Variants in TRPM7 observed in about 807,000 individuals in gnomAD.
TRPM7 encodes LTRPC ion channel family member 7.
In TRPM7, 134 loss-of-function variants were observed where a neutral mutation model predicts 229.7. The ratio of observed to expected loss-of-function variants is 0.58; its 90% CI spans 0.51 to 0.67. TRPM7 has a LOEUF of 0.67. Ranked by LOEUF, TRPM7 falls within the 30% of genes least tolerant of loss-of-function variation. The probability of loss-of-function intolerance (pLI) is 0.00; values close to 1 mark genes in which losing one functional copy is unlikely to be tolerated. For missense variants in TRPM7, 1,901 were observed against 2,210.0 expected (o/e 0.86, Z 2.80); for synonymous variants, 699 against 715.2 (o/e 0.98, Z 0.36).
At chr15:50,657,714 CAT>C in intron 3 of TRPM7, 65 bp downstream of exon 3, 4 of 1,385,368 alleles carry the variant, frequency 2.9e-6, no homozygotes, top group Non-Finnish European at 4.1e-6. Context: ...TGTTCTAACT[CAT>C]ATTTCTAATA....
chr15:50,685,973 C>T (rs1428429447), intron 1 of TRPM7, among the ~76,000 whole-genome samples: 1 of 152,206 alleles, frequency 6.6e-6, no homozygotes, highest in Non-Finnish European at 1.5e-5. Context: ...TCAAATCCCT[C>T]CCTTTTGGTT....
chr15:50,658,550 C>T (rs549859386), intron 2 of TRPM7, among the ~76,000 whole-genome samples: 18 of 143,812 alleles, frequency 1.3e-4, no homozygotes, highest in Non-Finnish European at 2.1e-4. Flanking sequence ...CCAGCCTGGG[C>T]GAAAGAGCGA....
intron 25 of TRPM7, 119 bp from the exon 26 acceptor site, chr15:50,592,745 T>TA (rs1382387671): frequency 1.5e-6 from 1 of 664,248 alleles, no homozygotes. Flanking sequence ...AAACAAGATA[T>TA]AAAATAAGGT....
At chr15:50,597,097 ATCT>A (rs2140390593) in intron 22 of TRPM7, among the ~76,000 whole-genome samples, 1 of 152,316 alleles carries the variant, frequency 6.6e-6, no homozygotes, top group East Asian at 1.9e-4. Context: ...TATTGAGTTT[ATCT>A]TATTATGTCA....
At chr15:50,591,874 T>TAA (rs777918184) in intron 26 of TRPM7, 37 bp downstream of exon 26, 1 of 1,367,568 alleles carries the variant, frequency 7.3e-7, no homozygotes, top group Non-Finnish European at 1.0e-6. Context: ...GAAAAGTAAA[T>TAA]AATATTGATA....
At chr15:50,576,043 A>G in intron 31 of TRPM7, 124 bp from the exon 32 acceptor site, 2 of 925,748 alleles carry the variant, frequency 2.2e-6, no homozygotes, top group Non-Finnish European at 3.2e-6. Context: ...ACAAAAACAG[A>G]AAAATTAGGG....
chr15:50,636,047 C>T (rs1334076797), intron 7 of TRPM7, among the ~76,000 whole-genome samples: 1 of 151,068 alleles, frequency 6.6e-6, no homozygotes, highest in Non-Finnish European at 1.5e-5. Context: ...TGGAACTGAT[C>T]AATAAAATTC....
chr15:50,582,929 A>G, intron 29 of TRPM7, 160 bp downstream of exon 29: 1 of 417,070 alleles, frequency 2.4e-6, no homozygotes, highest in Non-Finnish European at 4.3e-6. Flanking sequence ...ATTCACTGTA[A>G]GAAACTTTTC....
intron 31 of TRPM7, among the ~76,000 whole-genome samples, chr15:50,576,299 T>C (rs1347820762): frequency 6.6e-6 from 1 of 152,220 alleles, no homozygotes; most frequent in Non-Finnish European, 1.5e-5. Context: ...GATGAACTTC[T>C]GGAATGTGAA....
chr15:50,562,920 A>G (rs2053390823), intron 38 of TRPM7, among the ~76,000 whole-genome samples: 1 of 152,172 alleles, frequency 6.6e-6, no homozygotes, highest in East Asian at 1.9e-4. Flanking sequence ...AATATTGAGA[A>G]GTGAACTATC....
intron 1 of TRPM7, among the ~76,000 whole-genome samples, chr15:50,666,557 A>G (rs1473242678): frequency 6.6e-6 from 1 of 152,138 alleles, no homozygotes; most frequent in Admixed American, 6.6e-5. Context: ...TAATCCCAGC[A>G]CTTTGGGAGG....
At chr15:50,684,255 CG>C (rs935843927) in intron 1 of TRPM7, among the ~76,000 whole-genome samples, 1 of 151,698 alleles carries the variant, frequency 6.6e-6, no homozygotes, top group African/African-American at 2.4e-5. Context: ...CAGGTTCAAG[CG>C]ATTCTCCTGC....
intron 7 of TRPM7, among the ~76,000 whole-genome samples, chr15:50,635,092 C>T (rs772411667): frequency 5.9e-5 from 9 of 151,362 alleles, no homozygotes; most frequent in Non-Finnish European, 1.0e-4. Flanking sequence ...CCAAGATGGA[C>T]GGATCACAAG....
At chr15:50,632,305 TAAATAA>T (rs2060763392) in intron 9 of TRPM7, among the ~76,000 whole-genome samples, 1 of 149,292 alleles carries the variant, frequency 6.7e-6, no homozygotes, top group Admixed American at 6.7e-5. Flanking sequence ...AAAAAAAAAA[TAAATAA>T]AAATAAAGAA....
chr15:50,607,461 A>G, intron 19 of TRPM7, 133 bp from the exon 20 acceptor site: 1 of 735,416 alleles, frequency 1.4e-6, no homozygotes, highest in Non-Finnish European at 2.1e-6. Flanking sequence ...TTCCTTTATT[A>G]AAACAATTTT....
intron 1 of TRPM7, among the ~76,000 whole-genome samples, chr15:50,685,253 A>T (rs1336278057): frequency 6.6e-6 from 1 of 152,210 alleles, no homozygotes; most frequent in Non-Finnish European, 1.5e-5. Context: ...ACCTGAGGTC[A>T]GGAATTAAGA....
At chr15:50,606,163 G>A (rs2059912522) in intron 20 of TRPM7, among the ~76,000 whole-genome samples, 2 of 152,184 alleles carry the variant, frequency 1.3e-5, no homozygotes, top group South Asian at 4.1e-4. Flanking sequence ...GGCGGATCAT[G>A]AGGTCAGGAG....
chr15:50,570,780 G>A (rs1234048667), intron 36 of TRPM7, among the ~76,000 whole-genome samples: 1 of 151,544 alleles, frequency 6.6e-6, no homozygotes, highest in African/African-American at 2.4e-5. Flanking sequence ...GCTTGAACCT[G>A]GGAGGCGGAG....
intron 20 of TRPM7, among the ~76,000 whole-genome samples, chr15:50,606,231 T>C (rs2059914182): frequency 6.6e-6 from 1 of 151,920 alleles, no homozygotes; most frequent in Admixed American, 6.6e-5. Context: ...ATACAAAAAT[T>C]AGCCAGGCTT....
Sources: allele counts gnomAD v4.1 joint callset (sites outside exome capture counted in the v4.1 genomes callset), GRCh38; gene constraint gnomAD v4.1.1; transcripts MANE v1.5; gene names NCBI Gene and HGNC (gene_info 2026-07-23, HGNC 2026-07-21).